The following MLANA variants were observed in gnomAD, a reference collection of about 807,000 sequenced individuals.
MLANA encodes the protein melan-A, also known as melanoma antigen recognized by T-cells 1.
Under a neutral mutation model 15.7 loss-of-function variants are expected in MLANA, and 21 were observed. That is an observed-to-expected ratio of 1.33 (90% CI 0.95 to 1.92). The LOEUF (loss-of-function observed/expected upper bound fraction) is 1.92, where lower values mean the gene tolerates loss of function less well. Ranked by LOEUF, MLANA falls within the 40% of genes most tolerant of loss-of-function variation. The pLI is 0.00. For missense variants in MLANA, 164 were observed against 143.8 expected (o/e 1.14, Z -0.72); for synonymous variants, 56 against 51.5 (o/e 1.09, Z -0.37).
intron 1 of MLANA, among the ~76,000 whole-genome samples, chr9:5,891,507 C>T (rs982526141): frequency 3.3e-5 from 5 of 152,146 alleles, no homozygotes; most frequent in African/African-American, 1.2e-4. Flanking sequence ...TTCTGTCTCA[C>T]CTCTCCCTGT....
Position 5,897,560 on chromosome 9 carries a change from C to T in MLANA, c.81C>T (p.Ala27=), listed in dbSNP as rs76119407. ...HGHSYTTAEE[A]AGIGILTVIL... ...ATTTGTCTATCTCTTGGGCCAGGGCCGCTGGGATCGGCATCCTGACAGTGA... is the reference window on the plus strand; with the variant it reads ...ATTTGTCTATCTCTTGGGCCAGGGCTGCTGGGATCGGCATCCTGACAGTGA... Residue 27 remains alanine (A), a synonymous_variant, in exon 3 of 5, where the codon GCC becomes GCT. Coordinates refer to ENST00000381477, the MANE Select transcript of MLANA (RefSeq NM_005511.2). 1.6e-4 allele frequency: 257 copies of T among 1,614,022 alleles called. 1 individual carries two copies. In the East Asian group the frequency reaches 4.7e-3, roughly 30 times the overall value.
rs896395827 is a variant in MLANA at position 5,908,904 on chromosome 9, A to G, written c.*196A>G. 11 of 560,948 alleles carry G rather than the reference A, an allele frequency of 2.0e-5. No individual in the cohort carries two copies. The highest frequency in any genetic ancestry group is 3.5e-5 in the Non-Finnish European group (11 of 317,682). 34.7% of individuals were successfully genotyped at this position (560,948 alleles called of 1,614,324 possible). On this transcript the variant is annotated 3_prime_UTR_variant, in exon 5 of 5. Transcript: ENST00000381477. ...GTGAGGAAATGATGAGAAATATTAA[A>G]TTGGGAAAACTCCATCAATAAATGT...
chr9:5,893,705 GT>G (rs1316279292), intron 2 of MLANA, among the ~76,000 whole-genome samples: 2 of 152,154 alleles, frequency 1.3e-5, no homozygotes, highest in African/African-American at 4.8e-5. Context: ...TATGTCTCGT[GT>G]AAAAATTCAA....
intron 3 of MLANA, among the ~76,000 whole-genome samples, chr9:5,905,438 G>A (rs1489781025): frequency 6.6e-6 from 1 of 152,124 alleles, no homozygotes; most frequent in Non-Finnish European, 1.5e-5. Flanking sequence ...ACTCTTTGTG[G>A]CAATATCAAA....
In MLANA at chr9:5,909,430, G is replaced by C. The variant is rs1209904598; in HGVS notation, c.*722G>C. 6.6e-6 allele frequency: 1 copy of C among 152,134 alleles called. No individual in the cohort carries two copies. The allele number at this position is 152,134 out of a possible 1,614,324, so 9.4% of individuals were successfully genotyped here. A position where few individuals can be genotyped will look rare whatever the true frequency, so the allele number is the denominator to read the frequency against. On this transcript the variant is annotated 3_prime_UTR_variant, in exon 5 of 5. Coordinates refer to ENST00000381477, the MANE Select transcript of MLANA (RefSeq NM_005511.2). ...TGCGCCACTATGCCTGACTAATTTT[G>C]TAGTTTTAGTAGAGACGGGGTTTCT...
intron 2 of MLANA, among the ~76,000 whole-genome samples, chr9:5,895,259 T>C (rs1831936100): frequency 6.6e-6 from 1 of 152,092 alleles, no homozygotes; most frequent in African/African-American, 2.4e-5. Flanking sequence ...AGGAGATCGG[T>C]CCAGAAAATA....
intron 3 of MLANA, among the ~76,000 whole-genome samples, chr9:5,904,758 C>T (rs893251460): frequency 1.3e-5 from 2 of 151,464 alleles, no homozygotes; most frequent in African/African-American, 4.9e-5. Flanking sequence ...AGCCACCGCG[C>T]CCAGTCCAGT....
intron 3 of MLANA, 121 bp from the exon 4 acceptor site, chr9:5,906,764 A>G: frequency 1.7e-6 from 1 of 601,454 alleles, no homozygotes; most frequent in East Asian, 3.0e-5. Context: ...GAAGGCACAC[A>G]GCAAGTAAGT....
intron 3 of MLANA, among the ~76,000 whole-genome samples, chr9:5,904,744 C>T (rs1002143723): frequency 2.7e-5 from 4 of 150,578 alleles, no homozygotes; most frequent in Non-Finnish European, 4.4e-5. Context: ...GGATTACAGG[C>T]GTGAGCCACC....
chr9:5,907,490 A>T (rs949658449), intron 4 of MLANA, among the ~76,000 whole-genome samples: 2 of 152,256 alleles, frequency 1.3e-5, no homozygotes, highest in African/African-American at 4.8e-5. Flanking sequence ...ATTATAATAC[A>T]TATCATATTT....
rs1300479289 is a variant in MLANA, at chr9:5,910,599, C to A, written c.*1891C>A. ...TGAACCCTACATCCCTCCAGAACCC[C>A]CAGACTGTCACTCACTGAGGGTGCT... On this transcript the variant is annotated 3_prime_UTR_variant, in exon 5 of 5. Coordinates refer to ENST00000381477, the MANE Select transcript of MLANA (RefSeq NM_005511.2). The A allele has an allele frequency of 6.6e-6, 1 of 152,268 alleles. No individual in the cohort carries two copies. Among genetic ancestry groups the A allele is most frequent in the African/African-American group, 2.4e-5 (1 of 41,434 alleles). The allele number at this position is 152,268 out of a possible 1,614,324, so 9.4% of individuals were successfully genotyped here. A position where few individuals can be genotyped will look rare whatever the true frequency, so the allele number is the denominator to read the frequency against.
intron 3 of MLANA, among the ~76,000 whole-genome samples, chr9:5,899,830 C>T (rs1310365658): frequency 6.6e-6 from 1 of 152,204 alleles, no homozygotes; most frequent in Non-Finnish European, 1.5e-5. Flanking sequence ...ATGGTAGTCA[C>T]TCAATTGTGT....
intron 3 of MLANA, among the ~76,000 whole-genome samples, chr9:5,903,418 G>A (rs1368630485): frequency 6.6e-6 from 1 of 152,140 alleles, no homozygotes; most frequent in Admixed American, 6.5e-5. Context: ...TTGCTAATAT[G>A]TTGTTGAGTT....
At position 5,902,297 on chromosome 9, in the gene MLANA, T is replaced by C. The variant is rs551552605; in HGVS notation, c.175-4588T>C. Reference sequence around the variant, plus strand: ...TTTTCAAATTTGTGAGCATAGTTCATAGTATTCCTTGCTTATCCTTTTCAT... The same window carrying C: ...TTTTCAAATTTGTGAGCATAGTTCACAGTATTCCTTGCTTATCCTTTTCAT... On this transcript the variant is annotated intron_variant, in intron 3 of 4. Transcript: ENST00000381477. Among the ~76,000 whole-genome samples the C allele has an allele frequency of 2.6e-5, 4 of 152,356 alleles. No individual in the cohort carries two copies. In the South Asian group the frequency reaches 8.3e-4, roughly 32 times the overall value.
At chr9:5,896,695 G>C (rs1010433893) in intron 2 of MLANA, among the ~76,000 whole-genome samples, 4 of 152,206 alleles carry the variant, frequency 2.6e-5, no homozygotes, top group African/African-American at 9.7e-5. Context: ...AATTGATGAT[G>C]CTTGCCCGGA....
intron 1 of MLANA, 50 bp from the exon 2 acceptor site, chr9:5,892,400 A>G (rs1391997567): frequency 1.5e-6 from 2 of 1,350,884 alleles, no homozygotes; most frequent in African/African-American, 2.9e-5. Flanking sequence ...GAGATGATGA[A>G]TAGGGTGGCT....
intron 2 of MLANA, among the ~76,000 whole-genome samples, chr9:5,895,396 T>C (rs1031559001): frequency 2.0e-5 from 3 of 151,890 alleles, no homozygotes; most frequent in Admixed American, 2.0e-4. Flanking sequence ...TTTTTTTTTT[T>C]AATTTTTTTG....
At chr9:5,895,854 T>C (rs7034210) in intron 2 of MLANA, among the ~76,000 whole-genome samples, 147,986 of 152,358 alleles carry the variant, frequency 0.97, 71,992 homozygotes, top group Non-Finnish European at 0.99. Flanking sequence ...CGCTCTCAGT[T>C]ACTTGGGCAT....
In MLANA at chr9:5,908,799, T is replaced by C. The variant is rs531736398; in HGVS notation, c.*91T>C. The C allele has an allele frequency of 2.7e-5, 35 of 1,313,430 alleles. No individual in the cohort carries two copies. In the South Asian group the frequency reaches 3.8e-4, roughly 14 times the overall value. The allele number at this position is 1,313,430 out of a possible 1,614,324, so 81.4% of individuals were successfully genotyped here. ...AGACATCTAATGTTCTCCTTTGGAA[T>C]GGTGTAGGAAAAATGCAAGCCATCT... On this transcript the variant is annotated 3_prime_UTR_variant, in exon 5 of 5. Transcript: ENST00000381477.
Sources: gnomAD v4.1 joint callset for allele counts (sites outside exome capture counted in the v4.1 genomes callset) on GRCh38, gnomAD v4.1.1 for gene constraint, MANE v1.5 for transcripts, NCBI Gene and HGNC (gene_info 2026-07-23, HGNC 2026-07-21) for gene names.